Variants in RNF220 observed in about 807,000 individuals in gnomAD.
RNF220 encodes the protein E3 ubiquitin-protein ligase RNF220.
Under a neutral mutation model 67.1 loss-of-function variants are expected in RNF220, and 7 were observed. The observed-to-expected ratio is 0.10, with a 90% CI of 0.06 to 0.20. RNF220 has a LOEUF of 0.20. Among genes scored for constraint, RNF220 ranks in the 10% least tolerant of loss-of-function variants. The pLI, the probability that RNF220 is intolerant of heterozygous loss-of-function variation, is 1.00. For synonymous variants in RNF220, 270 were observed against 283.2 expected (o/e 0.95, Z 0.47); for missense variants, 565 against 740.3 (o/e 0.76, Z 2.75).
intron 2 of RNF220, among the ~76,000 whole-genome samples, chr1:44,474,672 G>T (rs995075477): frequency 6.6e-6 from 1 of 151,648 alleles, no homozygotes; most frequent in African/African-American, 2.4e-5. Context: ...TCACACCATC[G>T]CACTCCAGCC....
At chr1:44,469,713 T>C (rs1233217546) in intron 2 of RNF220, among the ~76,000 whole-genome samples, 2 of 152,208 alleles carry the variant, frequency 1.3e-5, no homozygotes, top group African/African-American at 4.8e-5. Flanking sequence ...TATGAGAGCC[T>C]GAGTATGATA....
intron 3 of RNF220, among the ~76,000 whole-genome samples, chr1:44,617,877 CT>C (rs534687671): frequency 5.3e-4 from 81 of 152,220 alleles, no homozygotes; most frequent in African/African-American, 1.7e-3. Flanking sequence ...CTCCCCTCCC[CT>C]CTCCTCTCTG....
chr1:44,557,931 G>A (rs1029066144), intron 2 of RNF220, among the ~76,000 whole-genome samples: 6 of 152,204 alleles, frequency 3.9e-5, no homozygotes, highest in East Asian at 1.9e-4. Context: ...CATGCCCTGC[G>A]TCTTCTCCAG....
intron 2 of RNF220, among the ~76,000 whole-genome samples, chr1:44,420,100 A>C (rs1262351930): frequency 6.6e-6 from 1 of 152,202 alleles, no homozygotes; most frequent in Admixed American, 6.5e-5. Flanking sequence ...GGCAATTCAG[A>C]TATGTGGCTG....
At chr1:44,491,772 T>G (rs1487812356) in intron 2 of RNF220, among the ~76,000 whole-genome samples, 2 of 152,150 alleles carry the variant, frequency 1.3e-5, no homozygotes, top group African/African-American at 4.8e-5. Context: ...CAAGCAATTC[T>G]CATGCCTCAG....
chr1:44,425,038 A>C (rs1019549637), intron 2 of RNF220, among the ~76,000 whole-genome samples: 3 of 152,198 alleles, frequency 2.0e-5, no homozygotes, highest in African/African-American at 7.2e-5. Flanking sequence ...GGGTTAGAGG[A>C]ATCTGTCAGT....
chr1:44,524,824 G>A (rs1660238318), intron 2 of RNF220, among the ~76,000 whole-genome samples: 1 of 152,150 alleles, frequency 6.6e-6, no homozygotes, highest in Admixed American at 6.5e-5. Context: ...AATTATTAGC[G>A]CTGTAATGTA....
At chr1:44,436,065 C>T (rs187843873) in intron 2 of RNF220, among the ~76,000 whole-genome samples, 4 of 152,196 alleles carry the variant, frequency 2.6e-5, no homozygotes, top group Admixed American at 2.0e-4. Flanking sequence ...TTAACAGAAT[C>T]GTCCTAATGT....
Position 44,416,754 on chromosome 1 carries a change from C to G in RNF220, c.625+4032C>G, listed in dbSNP as rs141033684. ...CTCTTTCCTTGACCTTCACTGTGGT[C>G]GGGCAGAGTCACAGGTAGGCAGGAA... is the stretch of plus-strand genomic sequence containing the variant. On this transcript the variant is annotated intron_variant, in intron 2 of 14. Coordinates refer to ENST00000361799, the MANE Select transcript of RNF220 (RefSeq NM_018150.4). Among the ~76,000 whole-genome samples the G allele has an allele frequency of 3.3e-4, 51 of 152,308 alleles. 1 individual carries two copies. In the East Asian group the frequency reaches 9.4e-3, roughly 28 times the overall value.
intron 2 of RNF220, among the ~76,000 whole-genome samples, chr1:44,610,608 T>G (rs527670958): frequency 8.5e-5 from 13 of 152,278 alleles, no homozygotes; most frequent in African/African-American, 2.9e-4. Flanking sequence ...GGGAGTGTCA[T>G]GAGCTGGAGA....
intron 2 of RNF220, among the ~76,000 whole-genome samples, chr1:44,564,842 G>A (rs1663867357): frequency 6.6e-6 from 1 of 152,140 alleles, no homozygotes. Context: ...TGTGCTCAGG[G>A]GGAACCTTAT....
intron 3 of RNF220, among the ~76,000 whole-genome samples, chr1:44,619,698 G>A (rs1643712367): frequency 6.6e-6 from 1 of 152,170 alleles, no homozygotes; most frequent in African/African-American, 2.4e-5. Context: ...TTGGGGGCGG[G>A]CTGTGGAAAT....
Position 44,606,980 on chromosome 1 carries a change from T to A in RNF220, c.626-7185T>A, listed in dbSNP as rs1667313083. 6.6e-6 allele frequency among the ~76,000 whole-genome samples: 1 copy of A among 152,210 alleles called. No individual in the cohort carries two copies. The highest frequency in any genetic ancestry group is 2.4e-5 in the African/African-American group (1 of 41,450). On this transcript the variant is annotated intron_variant, in intron 2 of 14. Coordinates refer to ENST00000361799, the MANE Select transcript of RNF220 (RefSeq NM_018150.4). This position sits in a 1 kb window ranked among gnomAD's most constrained non-coding sequence, Gnocchi z 4.2. Reference sequence around the variant, plus strand: ...AACTCATTTTCTTCCTTACCAAGCTTGCTGCTCCTCCTCCCATTCCATAAA... The same window carrying A: ...AACTCATTTTCTTCCTTACCAAGCTAGCTGCTCCTCCTCCCATTCCATAAA...
intron 2 of RNF220, among the ~76,000 whole-genome samples, chr1:44,610,066 C>T (rs1667554302): frequency 6.6e-6 from 1 of 152,172 alleles, no homozygotes; most frequent in African/African-American, 2.4e-5. Context: ...GTGGAGGTGG[C>T]AGGCACTCCG....
At chr1:44,430,912 T>G (rs1650297670) in intron 2 of RNF220, among the ~76,000 whole-genome samples, 1 of 152,194 alleles carries the variant, frequency 6.6e-6, no homozygotes, top group Non-Finnish European at 1.5e-5. Context: ...AACCTAGCAT[T>G]TATGATTGAA....
intron 2 of RNF220, among the ~76,000 whole-genome samples, chr1:44,458,845 T>A (rs1267952769): frequency 1.3e-5 from 2 of 152,234 alleles, no homozygotes; most frequent in East Asian, 3.8e-4. Flanking sequence ...CTGCCAGCCG[T>A]GAGCATTCAG....
rs1370454487 is a variant in RNF220, at chr1:44,462,587, G to A, written c.625+49865G>A. On this transcript the variant is annotated intron_variant, in intron 2 of 14. Transcript: ENST00000361799. Reference sequence around the variant, plus strand: ...CAGTACTAGTAAGGGGTTTTGAAGTGGAAAGAAATTCTCTAAGCTATCAGT... The same window carrying A: ...CAGTACTAGTAAGGGGTTTTGAAGTAGAAAGAAATTCTCTAAGCTATCAGT... Among the ~76,000 whole-genome samples the A allele has an allele frequency of 2.0e-5, 3 of 152,218 alleles. No individual in the cohort carries two copies. The East Asian group carries it at 5.8e-4, about 29-fold the overall frequency.
At chr1:44,580,054 A>AAAAG (rs1174725020) in intron 2 of RNF220, among the ~76,000 whole-genome samples, 5 of 143,642 alleles carry the variant, frequency 3.5e-5, no homozygotes, top group East Asian at 3.9e-4. Flanking sequence ...AAAAAAAAAA[A>AAAAG]AAAGAAAGAA....
intron 2 of RNF220, among the ~76,000 whole-genome samples, chr1:44,515,961 T>C (rs1344487475): frequency 1.6e-4 from 24 of 152,228 alleles, no homozygotes. Context: ...TCACTTGGCT[T>C]GCCCGTCAGT....
Sources: allele counts gnomAD v4.1 joint callset (sites outside exome capture counted in the v4.1 genomes callset), GRCh38; gene constraint gnomAD v4.1.1; non-coding constraint Gnocchi (gnomAD v3.1); transcripts MANE v1.5; gene names NCBI Gene and HGNC (gene_info 2026-07-23, HGNC 2026-07-21).